Variants in HMSD observed in about 807,000 individuals in gnomAD.
HMSD encodes histocompatibility minor serpin domain containing, also known as serpin-like protein HMSD.
In HMSD, 13 loss-of-function variants were observed where a neutral mutation model predicts 10.0. The ratio of observed to expected loss-of-function variants is 1.31; its 90% CI spans 0.85 to 2.08. The LOEUF is 2.08. Among genes scored for constraint, HMSD ranks in the 30% most tolerant of loss-of-function variants. The pLI is 0.00. For synonymous variants in HMSD, 51 were observed against 54.2 expected, an observed-to-expected ratio of 0.94 and a Z score of 0.26; for missense variants, 169 against 166.3, an observed-to-expected ratio of 1.02 and a Z score of -0.09.
Position 63,958,443 on chromosome 18 carries a change from G to A in HMSD, c.223-1715G>A, listed in dbSNP as rs186157757. On this transcript the variant is annotated intron_variant, in intron 3 of 3. Coordinates refer to ENST00000408945, the MANE Select transcript of HMSD (RefSeq NM_001123366.2). Reference sequence around the variant, plus strand: ...GGAAAGGGAAATTAAATATTTAGCTGTGAGCAGTTTGAGAGAAAGATTGGG... The same window carrying A: ...GGAAAGGGAAATTAAATATTTAGCTATGAGCAGTTTGAGAGAAAGATTGGG... Among the ~76,000 whole-genome samples the A allele has an allele frequency of 2.0e-4, 31 of 152,268 alleles. No individual in the cohort carries two copies. The East Asian group carries it at 5.0e-3, about 25-fold the overall frequency.
chr18:63,957,930 T>C (rs80217609), intron 3 of HMSD, among the ~76,000 whole-genome samples: 3,498 of 152,254 alleles, frequency 0.023, 145 homozygotes, highest in African/African-American at 0.079. Flanking sequence ...CTTTGTCAAA[T>C]AGTAACTTAA....
downstream of HMSD, among the ~76,000 whole-genome samples, chr18:63,965,980 G>C (rs1042182557): frequency 6.6e-6 from 1 of 152,164 alleles, no homozygotes; most frequent in Non-Finnish European, 1.5e-5. Flanking sequence ...CAAACATGGG[G>C]AGAAACCTTA....
intron 1 of HMSD, among the ~76,000 whole-genome samples, chr18:63,950,272 C>T (rs574155519): frequency 2.0e-4 from 30 of 151,578 alleles, no homozygotes; most frequent in African/African-American, 7.3e-4. Flanking sequence ...AAAAATTAGC[C>T]GGGTGTCGTG....
rs565779670 is a variant in HMSD, at chr18:63,961,689, T to A, written c.*1334T>A. 6.6e-6 allele frequency: 1 copy of A among 152,438 alleles called. No homozygotes were observed. Among genetic ancestry groups the A allele is most frequent in the South Asian group, 2.1e-4 (1 of 4,828 alleles). 9.4% of individuals were successfully genotyped at this position (152,438 alleles called of 1,614,324 possible). ...ACATCTGGAGGAGCCAGGAATCGCCTCTTCCTCTTGTTACTGCAAAGCCTG... is the reference window on the plus strand; with the variant it reads ...ACATCTGGAGGAGCCAGGAATCGCCACTTCCTCTTGTTACTGCAAAGCCTG... On this transcript the variant is annotated 3_prime_UTR_variant, in exon 4 of 4. Transcript: ENST00000408945.
At chr18:63,950,590 A>G (rs974623353) in intron 1 of HMSD, among the ~76,000 whole-genome samples, 2 of 152,096 alleles carry the variant, frequency 1.3e-5, no homozygotes, top group African/African-American at 2.4e-5. Flanking sequence ...ACCAACCTGA[A>G]GGCCTAAATA....
chr18:63,952,285 T>TA (rs148172930), intron 1 of HMSD, among the ~76,000 whole-genome samples: 10,804 of 148,264 alleles, frequency 0.073, 1,248 homozygotes, highest in African/African-American at 0.25. Context: ...TAAAGTATAA[T>TA]AATAAAAAAA....
Position 63,953,432 on chromosome 18 carries a change from C to G in HMSD, c.-24C>G. 1 of 1,603,870 alleles carries G rather than the reference C, an allele frequency of 6.2e-7. No homozygotes were observed. The highest frequency in any genetic ancestry group is 8.5e-7 in the Non-Finnish European group (1 of 1,171,830). ...TTTTGAAAAAGCTAGGGGAAAACAA[C>G]TCAAACAACTTATTTTTTTCCCCAT... On this transcript the variant is annotated 5_prime_UTR_variant, in exon 2 of 4. Coordinates refer to ENST00000408945, the MANE Select transcript of HMSD (RefSeq NM_001123366.2).
At chr18:63,952,873 A>G (rs2050338320) in intron 1 of HMSD, among the ~76,000 whole-genome samples, 1 of 152,240 alleles carries the variant, frequency 6.6e-6, no homozygotes, top group Non-Finnish European at 1.5e-5. Context: ...TGGTGTCCCA[A>G]TTTACATAAT....
At chr18:63,960,072 A>G in intron 3 of HMSD, 86 bp from the exon 4 acceptor site, 1 of 1,265,790 alleles carries the variant, frequency 7.9e-7, no homozygotes, top group Non-Finnish European at 1.1e-6. Context: ...AAAATTATTG[A>G]TTTTCTGATG....
At chr18:63,965,095 C>T (rs2050404472), downstream of HMSD, among the ~76,000 whole-genome samples, 1 of 152,236 alleles carries the variant, frequency 6.6e-6, no homozygotes, top group African/African-American at 2.4e-5. Context: ...ACTGAATAAG[C>T]ATCTCTCCCA....
intron 1 of HMSD, among the ~76,000 whole-genome samples, chr18:63,950,609 G>C (rs1314682675): frequency 6.6e-6 from 1 of 151,810 alleles, no homozygotes; most frequent in East Asian, 1.9e-4. Flanking sequence ...TATTAAACCA[G>C]GAGACTTTGA....
chr18:63,966,889 C>T (rs928692144), intron 3 of HMSD: 13 of 152,198 alleles, frequency 8.5e-5, no homozygotes, highest in African/African-American at 2.9e-4. Flanking sequence ...TAAGGAACAG[C>T]GTCAACAATA....
At chr18:63,957,175 A>G (rs1166915455) in intron 3 of HMSD, among the ~76,000 whole-genome samples, 1 of 152,168 alleles carries the variant, frequency 6.6e-6, no homozygotes, top group Non-Finnish European at 1.5e-5. Flanking sequence ...CCCCTGAAAC[A>G]TGAAATTTGC....
At chr18:63,958,446 A>G (rs2050370268) in intron 3 of HMSD, among the ~76,000 whole-genome samples, 1 of 152,198 alleles carries the variant, frequency 6.6e-6, no homozygotes, top group Non-Finnish European at 1.5e-5. Flanking sequence ...TTTAGCTGTG[A>G]GCAGTTTGAG....
At chr18:63,966,722 T>A (rs1425967611), downstream of HMSD, 1 of 152,254 alleles carries the variant, frequency 6.6e-6, no homozygotes, top group Non-Finnish European at 1.5e-5. Context: ...TCCAATTGTC[T>A]TGTGACAATA....
chr18:63,954,580 G>A lies in HMSD; in HGVS notation c.222+23G>A, dbSNP rs772156442. 3 of 1,591,488 alleles carry A rather than the reference G, an allele frequency of 1.9e-6. No homozygotes were observed. The Admixed American group carries it at 5.1e-5, about 27-fold the overall frequency. On this transcript the variant is annotated intron_variant, in intron 3 of 3. Coordinates refer to ENST00000408945, the MANE Select transcript of HMSD (RefSeq NM_001123366.2). Reference sequence around the variant, plus strand: ...ACAGTAAGTCATACTTGTTTATTAGGAAAATAAAGATAGCAATGTGGTGGG... The same window carrying A: ...ACAGTAAGTCATACTTGTTTATTAGAAAAATAAAGATAGCAATGTGGTGGG...
rs1599111961 is a variant in HMSD, at chr18:63,960,021, A to G, written c.223-137A>G. The stretch of plus-strand genomic sequence containing the variant: ...CTGAAAAGAATTTGGACTTTAGGTT[A>G]ATTCCTCATCTTTATTTGCAAATTA... On this transcript the variant is annotated intron_variant, in intron 3 of 3. Transcript: ENST00000408945. 3.3e-6 allele frequency: 3 copies of G among 902,964 alleles called. No homozygotes were observed. In the East Asian group the frequency reaches 8.1e-5, roughly 24 times the overall value. The allele number at this position is 902,964 out of a possible 1,614,324, so 55.9% of individuals were successfully genotyped here.
intron 1 of HMSD, among the ~76,000 whole-genome samples, chr18:63,950,473 A>G (rs1282965028): frequency 1.3e-5 from 2 of 150,750 alleles, no homozygotes. Context: ...GGCAGGAAAT[A>G]ATTTCAATAA....
chr18:63,956,555 T>C (rs542753695), intron 3 of HMSD, among the ~76,000 whole-genome samples: 2 of 152,266 alleles, frequency 1.3e-5, no homozygotes, highest in East Asian at 3.9e-4. Context: ...CCATTCAGAA[T>C]GGCTGTTATT....
Sources: gnomAD v4.1 joint callset for allele counts (sites outside exome capture counted in the v4.1 genomes callset) on GRCh38, gnomAD v4.1.1 for gene constraint, MANE v1.5 for transcripts, NCBI Gene and HGNC (gene_info 2026-07-23, HGNC 2026-07-21) for gene names.